Variants in CD302 observed in about 807,000 individuals in gnomAD.
CD302 encodes the protein CD302 antigen.
A neutral mutation model predicts 26.5 loss-of-function variants in CD302; 23 were observed. That is an observed-to-expected ratio of 0.87 (90% CI 0.62 to 1.23). CD302 has a LOEUF of 1.23. Ranked by LOEUF, CD302 falls within the 50% of genes most tolerant of loss-of-function variation. The pLI is 0.00. For missense variants in CD302, 290 were observed against 275.5 expected (o/e 1.05, Z -0.37); for synonymous variants, 90 against 99.4 (o/e 0.91, Z 0.56).
Position 159,779,250 on chromosome 2 carries a change from A to C in CD302, c.469+755T>G, listed in dbSNP as rs993283816. ...CATCGCAAAAAAAAAAAAAAAAAAAAAAAAAACCTTCTGACGGGTCAGAAG... is the reference window on the plus strand; with the variant it reads ...CATCGCAAAAAAAAAAAAAAAAAAACAAAAAACCTTCTGACGGGTCAGAAG... On this transcript the variant is annotated intron_variant, in intron 4 of 5. Coordinates refer to ENST00000259053, the MANE Select transcript of CD302 (RefSeq NM_014880.5). Among the ~76,000 whole-genome samples the C allele has an allele frequency of 1.1e-3, 167 of 151,440 alleles. 6 individuals carry two copies. The East Asian group carries it at 0.032, about 29-fold the overall frequency.
intron 2 of CD302, among the ~76,000 whole-genome samples, chr2:159,782,955 G>T (rs1210856282): frequency 1.3e-5 from 2 of 152,130 alleles, no homozygotes; most frequent in African/African-American, 4.8e-5. Context: ...ACAGATCTGG[G>T]TTAAAATCCT....
Position 159,780,080 on chromosome 2 carries a change from G to T in CD302, c.394C>A (p.His132Asn), listed in dbSNP as rs1560044237. 2.5e-6 allele frequency: 4 copies of T among 1,614,000 alleles called. No individual in the cohort carries two copies. Among genetic ancestry groups the T allele is most frequent in the Non-Finnish European group, 8.5e-7 (1 of 1,180,032 alleles). The change falls in exon 4 of 6, where the codon CAC (histidine) becomes AAC (asparagine). Residue 132 changes from histidine (H) to asparagine (N), a missense_variant. Physicochemically the swap from His to Asn is moderately conservative, Grantham distance 68. Coordinates refer to ENST00000259053, the MANE Select transcript of CD302 (RefSeq NM_014880.5). ...TTTTTCCATTCACCTGTCTTGATGT[G>T]CAGAAAAGCACAGGTGTCAACTAAA... ...EDLVDTCAFL[H>N]IKTGEWKKGN...
rs1346939051 is a variant in CD302, at chr2:159,771,851, T to G, written c.699A>C (p.Ter233TyrextTer23). Residue 233 changes from the stop codon to tyrosine (Y), a stop_lost, in exon 6 of 6, where the codon TAA becomes TAC. Transcript: ENST00000259053. Reference sequence around the variant, plus strand: ...GTCTTAGTGCAAGATTACCAAAAACTTAGTCAAATTGAACAGGATATTCAT... The same window carrying G: ...GTCTTAGTGCAAGATTACCAAAAACGTAGTCAAATTGAACAGGATATTCAT... ...EENEYPVQFD[*>Y] 6.2e-7 allele frequency: 1 copy of G among 1,613,524 alleles called. No homozygotes were observed. Among genetic ancestry groups the G allele is most frequent in the Non-Finnish European group, 8.5e-7 (1 of 1,179,554 alleles).
In CD302 at chr2:159,779,882, C is replaced by T. The variant is rs1048956044; in HGVS notation, c.469+123G>A. 26 of 1,151,318 alleles carry T rather than the reference C, an allele frequency of 2.3e-5. No homozygotes were observed. In the East Asian group the frequency reaches 2.4e-4, roughly 10 times the overall value. The allele number at this position is 1,151,318 out of a possible 1,614,324, so 71.3% of individuals were successfully genotyped here. ...TTTACCATAATGCTGGGATTGCAGG[C>T]GTGAGCCACTGTGCCTAGCCTTATT... On this transcript the variant is annotated intron_variant, in intron 4 of 5. Coordinates refer to ENST00000259053, the MANE Select transcript of CD302 (RefSeq NM_014880.5).
intron 5 of CD302, 133 bp from the exon 6 acceptor site, chr2:159,772,186 C>A (rs761424457): frequency 2.0e-6 from 2 of 1,002,262 alleles, no homozygotes; most frequent in Non-Finnish European, 2.9e-6. Context: ...ATGAGAAAAC[C>A]AAAAATTTCG....
intron 5 of CD302, among the ~76,000 whole-genome samples, chr2:159,775,885 A>C (rs1360206614): frequency 8.5e-6 from 1 of 117,138 alleles, no homozygotes; most frequent in East Asian, 2.4e-4. Context: ...TGACTGGCTT[A>C]TTTTTCTTTT....
intron 1 of CD302, among the ~76,000 whole-genome samples, chr2:159,788,949 A>G (rs1237955700): frequency 1.3e-5 from 2 of 151,966 alleles, no homozygotes; most frequent in Non-Finnish European, 1.5e-5. Flanking sequence ...TACTCTCCAT[A>G]ATATAATCTC....
chr2:159,776,343 C>CATAG (rs1185094894), intron 5 of CD302, among the ~76,000 whole-genome samples: 1 of 152,134 alleles, frequency 6.6e-6, no homozygotes. Context: ...ATGCTATGAA[C>CATAG]ATAGATACAC....
chr2:159,770,229 T>C lies in CD302; in HGVS notation c.*1622A>G, dbSNP rs1427793488. 6.6e-6 allele frequency: 1 copy of C among 152,164 alleles called. No homozygotes were observed. The highest frequency in any genetic ancestry group is 2.4e-5 in the African/African-American group (1 of 41,422). The allele number at this position is 152,164 out of a possible 1,614,324, so 9.4% of individuals were successfully genotyped here. A position where few individuals can be genotyped will look rare whatever the true frequency, so the allele number is the denominator to read the frequency against. On this transcript the variant is annotated 3_prime_UTR_variant, in exon 6 of 6. Coordinates refer to ENST00000259053, the MANE Select transcript of CD302 (RefSeq NM_014880.5). The stretch of plus-strand genomic sequence containing the variant: ...TGTTCAATATTGACATTAGTAATAG[T>C]CTATCAATAATAAAATAGACATCTC...
At chr2:159,777,903 TGTG>T (rs957387947) in intron 5 of CD302, 32 bp downstream of exon 5, 1 of 997,312 alleles carries the variant, frequency 1.0e-6, no homozygotes, top group African/African-American at 1.7e-5. Context: ...TATTTTTAAT[TGTG>T]GGAAAAATTT....
At chr2:159,776,716 TTTTTTTG>T (rs1255829466) in intron 5 of CD302, among the ~76,000 whole-genome samples, 761 of 44,094 alleles carry the variant, frequency 0.017, 3 homozygotes, top group African/African-American at 0.023. Flanking sequence ...TTTTTTTTTT[TTTTTTTG>T]TGAGATGGAG....
chr2:159,795,156 G>C (rs1206381899), intron 1 of CD302, among the ~76,000 whole-genome samples: 2 of 151,676 alleles, frequency 1.3e-5, no homozygotes, highest in Non-Finnish European at 2.9e-5. Flanking sequence ...CCAGAAGGTA[G>C]AGGTTGCTGT....
intron 2 of CD302, among the ~76,000 whole-genome samples, chr2:159,783,073 G>A (rs1038578709): frequency 3.1e-4 from 47 of 152,142 alleles, no homozygotes; most frequent in African/African-American, 1.1e-3. Context: ...TTATGATAAA[G>A]CCAGGTAAAG....
chr2:159,782,744 C>G (rs2125804224), intron 2 of CD302, among the ~76,000 whole-genome samples: 1 of 151,328 alleles, frequency 6.6e-6, no homozygotes, highest in Non-Finnish European at 1.5e-5. Context: ...AAAAAAGACA[C>G]TTCAAATATT....
chr2:159,777,793 TA>T, intron 5 of CD302, 144 bp downstream of exon 5: 1 of 397,812 alleles, frequency 2.5e-6, no homozygotes, highest in South Asian at 2.6e-5. Context: ...GTCTTATTAC[TA>T]AGAGACCTTT....
intron 1 of CD302, among the ~76,000 whole-genome samples, chr2:159,794,350 G>A (rs1326088041): frequency 2.5e-4 from 36 of 146,030 alleles, no homozygotes; most frequent in Admixed American, 2.4e-3. Flanking sequence ...TGAAATACTT[G>A]ATATGCACAA....
chr2:159,773,865 T>TA (rs1188436476), intron 5 of CD302, among the ~76,000 whole-genome samples: 1 of 152,202 alleles, frequency 6.6e-6, no homozygotes, highest in Admixed American at 6.5e-5. Context: ...CTGTTTTTTT[T>TA]AAAGAAACAA....
At chr2:159,795,234 AAAAG>A (rs745329990) in intron 1 of CD302, among the ~76,000 whole-genome samples, 28 of 152,192 alleles carry the variant, frequency 1.8e-4, no homozygotes, top group South Asian at 4.1e-4. Flanking sequence ...GAAAAAAAAA[AAAAG>A]AAAGAAAGAA....
Position 159,780,101 on chromosome 2 carries a change from C to T in CD302, c.373G>A (p.Val125Ile). ...ATGTGCAGAAAAGCACAGGTGTCAA[C>T]TAAATCCTCATCATCATCTTGGTCT... ...WTDQDDDEDL[V>I]DTCAFLHIKT... The change falls in exon 4 of 6, where the codon GTT (valine) becomes ATT (isoleucine). Residue 125 changes from valine to isoleucine, a missense_variant. Coordinates refer to ENST00000259053, the MANE Select transcript of CD302 (RefSeq NM_014880.5). The T allele has an allele frequency of 1.2e-6, 2 of 1,614,192 alleles. No homozygotes were observed. The highest frequency in any genetic ancestry group is 2.2e-5 in the South Asian group (2 of 91,080).
Sources: gnomAD v4.1 joint callset for allele counts (sites outside exome capture counted in the v4.1 genomes callset) on GRCh38, gnomAD v4.1.1 for gene constraint, MANE v1.5 for transcripts, NCBI Gene and HGNC (gene_info 2026-07-23, HGNC 2026-07-21) for gene names.